Variants in MAPKBP1 observed in about 807,000 individuals in gnomAD.
MAPKBP1 encodes mitogen-activated protein kinase binding protein 1, also known as mitogen-activated protein kinase-binding protein 1.
MAPKBP1 carries 71 observed loss-of-function variants against 170.5 expected under a neutral mutation model. That is an observed-to-expected ratio of 0.42 (90% CI 0.34 to 0.51). The LOEUF (loss-of-function observed/expected upper bound fraction) is 0.51, where lower values mean the gene tolerates loss of function less well. Among genes scored for constraint, MAPKBP1 ranks in the 20% least tolerant of loss-of-function variants. The probability of loss-of-function intolerance (pLI) is 0.06; values close to 1 mark genes in which losing one functional copy is unlikely to be tolerated. For synonymous variants in MAPKBP1, 719 were observed against 757.9 expected, an observed-to-expected ratio of 0.95 and a Z score of 0.84; for missense variants, 1,598 against 1,933.0, an observed-to-expected ratio of 0.83 and a Z score of 3.25.
intron 2 of MAPKBP1, among the ~76,000 whole-genome samples, chr15:41,787,665 C>T (rs777914118): frequency 1.4e-4 from 22 of 151,872 alleles, no homozygotes; most frequent in Non-Finnish European, 2.6e-4. Context: ...CACGCCCGGC[C>T]GCGAACACAT....
rs565838652 is a variant in MAPKBP1 at position 41,781,642 on chromosome 15, TAAAAAC to T, written c.114+6257_114+6262del. On this transcript the variant is annotated intron_variant, in intron 2 of 30. Coordinates refer to ENST00000457542, the MANE Select transcript of MAPKBP1 (RefSeq NM_014994.3). ...TGGGCAACAGAGTGAGACCCCATCT[TAAAAAC>T]AAACAAAAACTGTCTGCCCCTCTGT... 1.2e-4 allele frequency among the ~76,000 whole-genome samples: 19 copies of T among 152,144 alleles called. No homozygotes were observed. In the South Asian group the frequency reaches 3.9e-3, roughly 32 times the overall value.
At chr15:41,804,068 G>A (rs2064649045) in intron 3 of MAPKBP1, among the ~76,000 whole-genome samples, 1 of 152,178 alleles carries the variant, frequency 6.6e-6, no homozygotes, top group African/African-American at 2.4e-5. Context: ...TCAAACTCCC[G>A]ACCTTAGGTG....
At chr15:41,803,363 G>A (rs548358339) in intron 3 of MAPKBP1, among the ~76,000 whole-genome samples, 1 of 137,742 alleles carries the variant, frequency 7.3e-6, no homozygotes, top group Admixed American at 8.1e-5. Flanking sequence ...GCAGTGAGCC[G>A]AGATCGTGCC....
In MAPKBP1 at chr15:41,824,491, G is replaced by A. The variant is rs776869538; in HGVS notation, c.4221G>A (p.Ala1407=). The change falls in exon 30 of 31, where the codon GCG becomes GCA. Residue 1407 remains alanine (A), a synonymous_variant. Transcript: ENST00000457542. ...TGTATCCGTCTCTTTCAGAGCCAGC[G>A]GTGAGCCTGGAGCAGTGTGAGCAGC... is the stretch of plus-strand genomic sequence containing the variant. ...GAALSQDSEP[A]VSLEQCEQLV... is the part of the protein sequence containing the mutation. The A allele has an allele frequency of 3.3e-5, 53 of 1,596,384 alleles. No individual in the cohort carries two copies. The highest frequency in any genetic ancestry group is 6.9e-5 in the Admixed American group (4 of 57,806).
chr15:41,782,789 G>C (rs2064212985), intron 2 of MAPKBP1, among the ~76,000 whole-genome samples: 1 of 151,130 alleles, frequency 6.6e-6, no homozygotes, highest in Non-Finnish European at 1.5e-5. Flanking sequence ...AGTTCCCAAA[G>C]AGGGGGAAAA....
At chr15:41,820,624 C>T (rs191495250) in intron 22 of MAPKBP1, among the ~76,000 whole-genome samples, 6 of 152,278 alleles carry the variant, frequency 3.9e-5, no homozygotes, top group East Asian at 3.9e-4. Flanking sequence ...GTCTGTGGGA[C>T]GCAGACTGCT....
At chr15:41,797,110 C>T (rs758560813) in intron 2 of MAPKBP1, among the ~76,000 whole-genome samples, 4 of 152,048 alleles carry the variant, frequency 2.6e-5, no homozygotes, top group Admixed American at 1.3e-4. Context: ...TAGTAGCCCA[C>T]GTCTCCTTCT....
chr15:41,817,672 A>G lies in MAPKBP1; in HGVS notation c.1841A>G (p.Tyr614Cys), dbSNP rs757087069. 7.4e-6 allele frequency: 12 copies of G among 1,614,182 alleles called. No homozygotes were observed. In the East Asian group the frequency reaches 1.1e-4, roughly 15 times the overall value. ...THHVVRKTTL[Y>C]DMDVEPSWKY... is the part of the protein sequence containing the mutation. ...CACGTGGTGCGGAAGACGACCCTCT[A>G]TGACATGGATGTGGAGCCCAGCTGG... The change falls in exon 16 of 31, where the codon TAT becomes TGT. Residue 614 changes from tyrosine (Y) to cysteine (C), a missense_variant. Coordinates refer to ENST00000457542, the MANE Select transcript of MAPKBP1 (RefSeq NM_014994.3). The surrounding 1 kb of genome is among the most constrained non-coding windows in gnomAD (Gnocchi z 4.2).
At position 41,822,370 on chromosome 15, in the gene MAPKBP1, G is replaced by A; in HGVS notation, c.3177G>A (p.Gln1059=). Residue 1059 remains glutamine, a synonymous_variant, in exon 26 of 31, where the codon CAG becomes CAA. Transcript: ENST00000457542. ...LQEGSPQTPD[Q]EQFLKQHFET... Reference sequence around the variant, plus strand: ...AGGGCAGCCCCCAGACTCCAGACCAGGAGCAGTTTCTAAAACAGCACTTTG... The same window carrying A: ...AGGGCAGCCCCCAGACTCCAGACCAAGAGCAGTTTCTAAAACAGCACTTTG... 6.2e-7 allele frequency: 1 copy of A among 1,614,096 alleles called. No homozygotes were observed. Among genetic ancestry groups the A allele is most frequent in the Non-Finnish European group, 8.5e-7 (1 of 1,180,012 alleles).
chr15:41,788,114 T>C (rs1030434598), intron 2 of MAPKBP1, among the ~76,000 whole-genome samples: 3 of 152,120 alleles, frequency 2.0e-5, no homozygotes, highest in East Asian at 3.9e-4. Flanking sequence ...CGTACCACCA[T>C]GCCCGGCTAA....
chr15:41,819,455 G>A (rs1884615556), intron 21 of MAPKBP1, 76 bp downstream of exon 21: 1 of 1,599,932 alleles, frequency 6.3e-7, no homozygotes, highest in Admixed American at 1.7e-5. Context: ...CTGAGACTGT[G>A]GGGTGAGAGC....
chr15:41,780,458 C>T (rs1328341381), intron 2 of MAPKBP1, among the ~76,000 whole-genome samples: 1 of 152,212 alleles, frequency 6.6e-6, no homozygotes, highest in Non-Finnish European at 1.5e-5. Flanking sequence ...TCTCTGAGCA[C>T]ATGGTCTGTC....
intron 5 of MAPKBP1, 110 bp downstream of exon 5, chr15:41,811,345 A>AAATCCTGGTTTTT: frequency 8.3e-7 from 1 of 1,208,250 alleles, no homozygotes; most frequent in African/African-American, 1.5e-5. Flanking sequence ...AACAGACACC[A>AAATCCTGGTTTTT]AATCCTGGTT....
intron 2 of MAPKBP1, among the ~76,000 whole-genome samples, chr15:41,786,777 A>AAAATATATATATATAT: frequency 0.013 from 416 of 32,036 alleles, 16 homozygotes; most frequent in Non-Finnish European, 0.017. Context: ...AAAAAAAAAA[A>AAAATATATATATATAT]ATATATATAT....
At chr15:41,791,010 G>A (rs1399150445) in intron 2 of MAPKBP1, among the ~76,000 whole-genome samples, 2 of 152,218 alleles carry the variant, frequency 1.3e-5, no homozygotes, top group African/African-American at 4.8e-5. Context: ...TGTGAGATTA[G>A]AGTGTAGTGT....
In MAPKBP1 at chr15:41,827,325, A is replaced by G. The variant is rs899430958; in HGVS notation, c.*1889A>G. The stretch of plus-strand genomic sequence containing the variant: ...AAAAAAAAAAAAGAAAAAGGGTTAC[A>G]AAAGGTTCCCAGCTCCGGGGCATCA... On this transcript the variant is annotated 3_prime_UTR_variant, in exon 31 of 31. Coordinates refer to ENST00000457542, the MANE Select transcript of MAPKBP1 (RefSeq NM_014994.3). 1 of 151,596 alleles carries G rather than the reference A, an allele frequency of 6.6e-6. No individual in the cohort carries two copies. The highest frequency in any genetic ancestry group is 2.4e-5 in the African/African-American group (1 of 41,298). 9.4% of individuals were successfully genotyped at this position (151,596 alleles called of 1,614,324 possible).
rs997741598 is a variant in MAPKBP1 at position 41,826,582 on chromosome 15, G to A, written c.*1146G>A. On this transcript the variant is annotated 3_prime_UTR_variant, in exon 31 of 31. Transcript: ENST00000457542. The stretch of plus-strand genomic sequence containing the variant: ...AAGTGAACCCAGATTCTGGATTCTT[G>A]GTGTCCACAGCCTAGCTGATACGAG... 2 of 151,830 alleles carry A rather than the reference G, an allele frequency of 1.3e-5. No individual in the cohort carries two copies. Among genetic ancestry groups the A allele is most frequent in the African/African-American group, 4.8e-5 (2 of 41,316 alleles). The allele number at this position is 151,830 out of a possible 1,614,324, so 9.4% of individuals were successfully genotyped here. A position where few individuals can be genotyped will look rare whatever the true frequency, so the allele number is the denominator to read the frequency against.
intron 2 of MAPKBP1, among the ~76,000 whole-genome samples, chr15:41,776,669 A>T (rs2064103446): frequency 6.6e-6 from 1 of 152,224 alleles, no homozygotes; most frequent in Non-Finnish European, 1.5e-5. Flanking sequence ...AGTGACCAGC[A>T]CTGTTAGAGC....
chr15:41,809,382 G>A (rs1274897879), intron 3 of MAPKBP1, among the ~76,000 whole-genome samples: 2 of 152,178 alleles, frequency 1.3e-5, no homozygotes, highest in East Asian at 3.8e-4. Context: ...TAGTCACATC[G>A]GAGGTCCCAG....
Sources: gnomAD v4.1 joint callset for allele counts (sites outside exome capture counted in the v4.1 genomes callset) on GRCh38, gnomAD v4.1.1 for gene constraint, Gnocchi (gnomAD v3.1) non-coding constraint, MANE v1.5 for transcripts, NCBI Gene and HGNC (gene_info 2026-07-23, HGNC 2026-07-21) for gene names.